The following BTBD9 variants were observed in gnomAD, a reference collection of about 807,000 sequenced individuals.
The protein encoded by BTBD9 is BTB/POZ domain-containing protein 9.
In BTBD9, 49 loss-of-function variants were observed where a neutral mutation model predicts 64.3. That is an observed-to-expected ratio of 0.76 (90% CI 0.61 to 0.97). The LOEUF (loss-of-function observed/expected upper bound fraction) is 0.97, where lower values mean the gene tolerates loss of function less well. Among genes scored for constraint, BTBD9 ranks in the 50% least tolerant of loss-of-function variants. The pLI, the probability that BTBD9 is intolerant of heterozygous loss-of-function variation, is 0.00. For synonymous variants in BTBD9, 260 were observed against 274.7 expected, an observed-to-expected ratio of 0.95 and a Z score of 0.53; for missense variants, 598 against 762.1, an observed-to-expected ratio of 0.78 and a Z score of 2.53.
intron 6 of BTBD9, chr6:38,482,456 T>C (rs1771199247): frequency 6.6e-6 from 1 of 151,990 alleles, no homozygotes; most frequent in Non-Finnish European, 1.5e-5. Flanking sequence ...ATTCTGGTGT[T>C]CAGTAACAAT....
chr6:38,264,137 G>A (rs1764889125), intron 8 of BTBD9, among the ~76,000 whole-genome samples: 1 of 152,186 alleles, frequency 6.6e-6, no homozygotes, highest in Non-Finnish European at 1.5e-5. Context: ...GGGCTCAGTG[G>A]CATCAGTGGA....
intron 6 of BTBD9, among the ~76,000 whole-genome samples, chr6:38,463,669 C>G (rs1770207204): frequency 6.6e-6 from 1 of 152,158 alleles, no homozygotes; most frequent in Admixed American, 6.5e-5. Context: ...CCTTCTACCC[C>G]CTAATTCATA....
At chr6:38,524,508 C>A (rs549723337) in intron 6 of BTBD9, among the ~76,000 whole-genome samples, 1 of 152,206 alleles carries the variant, frequency 6.6e-6, no homozygotes, top group South Asian at 2.1e-4. Flanking sequence ...GAATGAGCTA[C>A]CTTGACCACA....
At chr6:38,454,089 T>C (rs1769680141) in intron 6 of BTBD9, among the ~76,000 whole-genome samples, 1 of 152,190 alleles carries the variant, frequency 6.6e-6, no homozygotes, top group Non-Finnish European at 1.5e-5. Context: ...AAATGAAAAT[T>C]CTTCAAGCAA....
At chr6:38,228,851 C>A (rs528504979) in intron 9 of BTBD9, among the ~76,000 whole-genome samples, 12 of 149,838 alleles carry the variant, frequency 8.0e-5, no homozygotes, top group South Asian at 2.1e-4. Context: ...TCCAGCCCAG[C>A]GGCAGAGCGA....
intron 6 of BTBD9, among the ~76,000 whole-genome samples, chr6:38,423,137 T>C (rs1395575236): frequency 2.0e-5 from 3 of 151,838 alleles, no homozygotes; most frequent in Non-Finnish European, 4.4e-5. Flanking sequence ...TGGTGGTGCA[T>C]GTCTGTAATC....
chr6:38,212,237 C>T (rs1322662978), intron 9 of BTBD9, among the ~76,000 whole-genome samples: 1 of 152,162 alleles, frequency 6.6e-6, no homozygotes, highest in East Asian at 1.9e-4. Context: ...CACTCCCATT[C>T]CTCAGCGATG....
chr6:38,480,842 T>C (rs1771106651), intron 6 of BTBD9, among the ~76,000 whole-genome samples: 1 of 152,280 alleles, frequency 6.6e-6, no homozygotes, highest in Middle Eastern at 3.4e-3. Context: ...GACTGTAGTG[T>C]TGGTAGACAG....
At chr6:38,628,648 A>C (rs977892542) in intron 1 of BTBD9, among the ~76,000 whole-genome samples, 1 of 152,186 alleles carries the variant, frequency 6.6e-6, no homozygotes, top group African/African-American at 2.4e-5. Context: ...AATGTGTGGA[A>C]TACACATACA....
chr6:38,254,540 G>A (rs757332902), intron 9 of BTBD9, among the ~76,000 whole-genome samples: 14 of 152,080 alleles, frequency 9.2e-5, no homozygotes, highest in Non-Finnish European at 1.9e-4. Context: ...GGGAGACTGA[G>A]GTGGGAAGAT....
chr6:38,337,980 G>A (rs1203662650), intron 7 of BTBD9, among the ~76,000 whole-genome samples: 1 of 152,192 alleles, frequency 6.6e-6, no homozygotes, highest in Non-Finnish European at 1.5e-5. Flanking sequence ...ATGGACTCCG[G>A]TGTTTCTGTT....
At chr6:38,285,010 G>A (rs1181952954) in intron 8 of BTBD9, among the ~76,000 whole-genome samples, 2 of 152,036 alleles carry the variant, frequency 1.3e-5, no homozygotes, top group African/African-American at 2.4e-5. Flanking sequence ...GTGGGGAGGG[G>A]TGCACACGCA....
At chr6:38,251,264 A>T (rs1339906636) in intron 9 of BTBD9, among the ~76,000 whole-genome samples, 1 of 139,418 alleles carries the variant, frequency 7.2e-6, no homozygotes, top group Non-Finnish European at 1.6e-5. Context: ...AAGAGGTGTG[A>T]TTTTTTTTTT....
At chr6:38,342,376 A>G (rs1239714081) in intron 7 of BTBD9, among the ~76,000 whole-genome samples, 1 of 151,874 alleles carries the variant, frequency 6.6e-6, no homozygotes, top group Non-Finnish European at 1.5e-5. Flanking sequence ...TCTCAACTAA[A>G]AATACAAAAA....
At chr6:38,256,722 C>G (rs1485632824) in intron 8 of BTBD9, among the ~76,000 whole-genome samples, 1 of 152,140 alleles carries the variant, frequency 6.6e-6, no homozygotes, top group East Asian at 1.9e-4. Context: ...TTTCACAAGT[C>G]CCCCAATCCC....
intron 7 of BTBD9, among the ~76,000 whole-genome samples, chr6:38,293,289 G>A (rs1355131852): frequency 6.6e-6 from 1 of 152,102 alleles, no homozygotes; most frequent in Non-Finnish European, 1.5e-5. Context: ...AAGCTCCATT[G>A]AATTTCTTCA....
chr6:38,521,284 T>A (rs1409376022), intron 6 of BTBD9, among the ~76,000 whole-genome samples: 1 of 152,224 alleles, frequency 6.6e-6, no homozygotes, highest in Non-Finnish European at 1.5e-5. Flanking sequence ...TACCTTACTA[T>A]TACAAGTTTA....
At chr6:38,477,281 A>C (rs979041609) in intron 6 of BTBD9, among the ~76,000 whole-genome samples, 1 of 152,256 alleles carries the variant, frequency 6.6e-6, no homozygotes, top group Non-Finnish European at 1.5e-5. Flanking sequence ...AAGTAGTTAA[A>C]AGACATTTTA....
At chr6:38,339,507 G>C (rs924403503) in intron 7 of BTBD9, among the ~76,000 whole-genome samples, 1 of 152,064 alleles carries the variant, frequency 6.6e-6, no homozygotes, top group South Asian at 2.1e-4. Flanking sequence ...AAGAAGCACA[G>C]TAAGGTAAAA....
Sources: gnomAD v4.1 joint callset for allele counts (sites outside exome capture counted in the v4.1 genomes callset) on GRCh38, gnomAD v4.1.1 for gene constraint, MANE v1.5 for transcripts, NCBI Gene and HGNC (gene_info 2026-07-23, HGNC 2026-07-21) for gene names.